Variants in KLHL22 observed in about 807,000 individuals in gnomAD.
KLHL22 encodes the protein kelch-like protein 22.
In KLHL22, 18 loss-of-function variants were observed where a neutral mutation model predicts 60.7. The observed-to-expected ratio is 0.30, with a 90% CI of 0.20 to 0.44. The LOEUF is 0.44. Among genes scored for constraint, KLHL22 ranks in the 20% least tolerant of loss-of-function variants. The pLI is 1.00. For synonymous variants in KLHL22, 355 were observed against 354.5 expected (o/e 1.00, Z -0.01); for missense variants, 596 against 852.3 (o/e 0.70, Z 3.74).
intron 6 of KLHL22, among the ~76,000 whole-genome samples, chr22:20,443,821 G>A (rs140948383): frequency 7.4e-4 from 112 of 152,234 alleles, no homozygotes; most frequent in African/African-American, 2.6e-3. Flanking sequence ...GCTGAGGTGC[G>A]TGGATCACCT....
intron 5 of KLHL22, chr22:20,451,323 C>T: frequency 1.2e-6 from 2 of 1,610,146 alleles, no homozygotes; most frequent in Non-Finnish European, 8.5e-7. Context: ...ATGATCCAAA[C>T]ATTGACCAGA....
intron 1 of KLHL22, among the ~76,000 whole-genome samples, chr22:20,490,657 G>C (rs12169691): frequency 0.011 from 1,607 of 152,240 alleles, 34 homozygotes; most frequent in African/African-American, 0.037. Flanking sequence ...GAATGGTTTC[G>C]GGATCAAACT....
rs750050301 is a variant in KLHL22 at position 20,441,679 on chromosome 22, T to G, written c.*394A>C. On this transcript the variant is annotated 3_prime_UTR_variant, in exon 7 of 7. Transcript: ENST00000328879. Reference sequence around the variant, plus strand: ...GGAGCTCTCATCCTCCAACCCCAGCTGCCCCCACAGCCCCACCCCATTCAC... The same window carrying G: ...GGAGCTCTCATCCTCCAACCCCAGCGGCCCCCACAGCCCCACCCCATTCAC... The G allele has an allele frequency of 5.0e-6, 1 of 200,026 alleles. No individual in the cohort carries two copies. The highest frequency in any genetic ancestry group is 1.1e-5 in the Non-Finnish European group (1 of 89,556). 12.4% of individuals were successfully genotyped at this position (200,026 alleles called of 1,614,324 possible). A position where few individuals can be genotyped will look rare whatever the true frequency, so the allele number is the denominator to read the frequency against.
At chr22:20,478,967 A>AAAAATAC (rs2053456742) in intron 2 of KLHL22, among the ~76,000 whole-genome samples, 1 of 151,676 alleles carries the variant, frequency 6.6e-6, no homozygotes. Context: ...CGTCTCTAGT[A>AAAAATAC]AAAATACAAA....
intron 2 of KLHL22, among the ~76,000 whole-genome samples, chr22:20,488,145 T>C (rs1490278543): frequency 1.3e-5 from 2 of 151,562 alleles, no homozygotes; most frequent in Non-Finnish European, 2.9e-5. Flanking sequence ...TAGAGAGAGA[T>C]AAAGAGAAAG....
At chr22:20,474,928 C>T (rs1217955590) in intron 2 of KLHL22, among the ~76,000 whole-genome samples, 1 of 152,174 alleles carries the variant, frequency 6.6e-6, no homozygotes. Context: ...GGTGCCTGCA[C>T]CCTCTACCCC....
At chr22:20,476,405 A>ATTTTTT (rs57189584) in intron 2 of KLHL22, among the ~76,000 whole-genome samples, 1 of 69,354 alleles carries the variant, frequency 1.4e-5, no homozygotes, top group Non-Finnish European at 2.5e-5. Flanking sequence ...ATTGACACAG[A>ATTTTTT]TTTTTTTTTT....
rs1312666402 is a variant in KLHL22, at chr22:20,441,967, AGGGGCAGGGGCCCTGCCT to A, written c.*88_*105del. ...GCAGGGCCCATAAGCTGTGGCCAAC[AGGGGCAGGGGCCCTGCCT>A]GGAGTAAAGTGCTCTGGCCTAGGCT... On this transcript the variant is annotated 3_prime_UTR_variant, in exon 7 of 7. Transcript: ENST00000328879. 3 of 1,201,342 alleles carry A rather than the reference AGGGGCAGGGGCCCTGCCT, an allele frequency of 2.5e-6. 1 individual carries two copies. The East Asian group carries it at 8.2e-5, about 33-fold the overall frequency. The allele number at this position is 1,201,342 out of a possible 1,614,324, so 74.4% of individuals were successfully genotyped here.
intron 1 of KLHL22, among the ~76,000 whole-genome samples, chr22:20,494,833 T>A (rs1029095105): frequency 2.6e-5 from 4 of 152,138 alleles, no homozygotes; most frequent in Non-Finnish European, 5.9e-5. Flanking sequence ...GATGGCAGAG[T>A]CAAAATCATT....
intron 5 of KLHL22, among the ~76,000 whole-genome samples, chr22:20,454,656 T>G (rs1000765609): frequency 6.6e-6 from 1 of 152,198 alleles, no homozygotes; most frequent in Non-Finnish European, 1.5e-5. Context: ...CCTGAAATTT[T>G]GATAGGAATA....
At chr22:20,454,331 A>AAAAAAT (rs1434329621) in intron 5 of KLHL22, among the ~76,000 whole-genome samples, 3 of 152,124 alleles carry the variant, frequency 2.0e-5, no homozygotes, top group Non-Finnish European at 2.9e-5. Context: ...TCTGTCTCAA[A>AAAAAAT]AAAAATAAAA....
intron 2 of KLHL22, among the ~76,000 whole-genome samples, chr22:20,486,731 G>C (rs1023057713): frequency 1.7e-4 from 25 of 151,194 alleles, no homozygotes; most frequent in African/African-American, 4.4e-4. Context: ...GCCCAGGCTG[G>C]AATGCAGTGG....
chr22:20,483,957 C>T (rs1451563173), intron 2 of KLHL22: 4 of 679,814 alleles, frequency 5.9e-6, no homozygotes, highest in Admixed American at 5.8e-5. Context: ...GCTGGTGGAG[C>T]GGGACACGAA....
In KLHL22 at chr22:20,483,415, G is replaced by A. The variant is rs1440949914; in HGVS notation, c.227+5570C>T. ...GGCATCTACCTCCACAGTCAACCCA[G>A]AGCTGGCAATCTGGTCTTGTAGGCC... On this transcript the variant is annotated intron_variant, in intron 2 of 6. Transcript: ENST00000328879. 4 of 832,946 alleles carry A rather than the reference G, an allele frequency of 4.8e-6. No homozygotes were observed. In the East Asian group the frequency reaches 9.9e-5, roughly 21 times the overall value. The allele number at this position is 832,946 out of a possible 1,614,324, so 51.6% of individuals were successfully genotyped here. A position where few individuals can be genotyped will look rare whatever the true frequency, so the allele number is the denominator to read the frequency against.
At chr22:20,468,418 T>C (rs2053265958) in intron 3 of KLHL22, among the ~76,000 whole-genome samples, 1 of 152,164 alleles carries the variant, frequency 6.6e-6, no homozygotes, top group African/African-American at 2.4e-5. Context: ...AAAAGCCCCA[T>C]ACGAGGCTCA....
intron 4 of KLHL22, among the ~76,000 whole-genome samples, chr22:20,461,591 T>C (rs966262717): frequency 1.3e-5 from 2 of 151,930 alleles, no homozygotes; most frequent in Non-Finnish European, 2.9e-5. Flanking sequence ...TAGACTGTTT[T>C]TCTTCTATAT....
intron 5 of KLHL22, among the ~76,000 whole-genome samples, chr22:20,448,029 C>T (rs1175460224): frequency 2.0e-5 from 3 of 152,116 alleles, no homozygotes; most frequent in East Asian, 3.9e-4. Context: ...ACCAGGATCC[C>T]GAGGGGCTGC....
At chr22:20,458,686 C>A (rs1322124486) in intron 4 of KLHL22, among the ~76,000 whole-genome samples, 1 of 152,004 alleles carries the variant, frequency 6.6e-6, no homozygotes, top group East Asian at 1.9e-4. Flanking sequence ...TCCCCCAGCA[C>A]TCCATCAGGA....
At chr22:20,482,721 C>T (rs2053523517) in intron 2 of KLHL22, 1 of 608,268 alleles carries the variant, frequency 1.6e-6, no homozygotes, top group Non-Finnish European at 2.9e-6. Flanking sequence ...TACAGGCATG[C>T]ACCACAACAC....
Sources: gnomAD v4.1 joint callset for allele counts (sites outside exome capture counted in the v4.1 genomes callset) on GRCh38, gnomAD v4.1.1 for gene constraint, MANE v1.5 for transcripts, NCBI Gene and HGNC (gene_info 2026-07-23, HGNC 2026-07-21) for gene names.